USP31: variants seen among roughly 807,000 people sequenced by gnomAD.
USP31 encodes the protein ubiquitin carboxyl-terminal hydrolase 31.
Under a neutral mutation model 119.4 loss-of-function variants are expected in USP31, and 44 were observed. The observed-to-expected ratio is 0.37, with a 90% CI of 0.29 to 0.47. The LOEUF is 0.47. USP31 is among the 20% of genes least tolerant of loss of function. The probability of loss-of-function intolerance (pLI) is 0.99; values close to 1 mark genes in which losing one functional copy is unlikely to be tolerated. For synonymous variants in USP31, 749 were observed against 705.6 expected (o/e 1.06, Z -0.97); for missense variants, 1,643 against 1,730.2 (o/e 0.95, Z 0.89).
At chr16:23,089,319 CA>C (rs752915603) in intron 7 of USP31, among the ~76,000 whole-genome samples, 1 of 152,138 alleles carries the variant, frequency 6.6e-6, no homozygotes, top group Non-Finnish European at 1.5e-5. Context: ...CCCACCATCA[CA>C]CTCTATCATT....
intron 9 of USP31, among the ~76,000 whole-genome samples, chr16:23,086,705 T>C (rs1285106538): frequency 2.0e-5 from 3 of 152,190 alleles, no homozygotes; most frequent in Admixed American, 6.5e-5. Context: ...ATTCAAACTG[T>C]GAAGAACTTC....
Position 23,148,906 on chromosome 16 carries a change from T to C in USP31, c.365A>G (p.Glu122Gly). The C allele has an allele frequency of 7.1e-7, 1 of 1,399,668 alleles. No homozygotes were observed. The allele number at this position is 1,399,668 out of a possible 1,614,324, so 86.7% of individuals were successfully genotyped here. A position where few individuals can be genotyped will look rare whatever the true frequency, so the allele number is the denominator to read the frequency against. The change falls in exon 1 of 16, where the codon GAG becomes GGG. Residue 122 changes from glutamate (E) to glycine (G), a missense_variant. Transcript: ENST00000219689. Reference sequence around the variant, plus strand: ...GAGCCCCGCCACGCCGGGCACCGGCTCGGCGGCGCAAGCGGGCGGCGCGGG... The same window carrying C: ...GAGCCCCGCCACGCCGGGCACCGGCCCGGCGGCGCAAGCGGGCGGCGCGGG... ...ASPAPPACAA[E>G]PVPGVAGLRN...
At position 23,068,251 on chromosome 16, in the gene USP31, G is replaced by A; in HGVS notation, c.3854C>T (p.Ala1285Val). ...HQPPASQQPN[A>V]NTTGKEQLVT... is the part of the protein sequence containing the mutation. ...AAGCTGCTCTTTTCCCGTTGTATTT[G>A]CATTTGGCTGCTGGGAAGCTGGAGG... Residue 1285 changes from alanine (A) to valine (V), a missense_variant, in exon 16 of 16, where the codon GCA (alanine) becomes GTA (valine). Ala to Val is a moderately conservative substitution (Grantham distance 64, BLOSUM62 0). Around this residue, in one of 5 missense-constraint regions of USP31, gnomAD observed 699 missense variants for 650.9 expected, o/e 1.07. Transcript: ENST00000219689. The A allele has an allele frequency of 6.2e-7, 1 of 1,614,164 alleles. No homozygotes were observed. The highest frequency in any genetic ancestry group is 8.5e-7 in the Non-Finnish European group (1 of 1,179,988).
intron 1 of USP31, among the ~76,000 whole-genome samples, chr16:23,130,612 C>T (rs1489693701): frequency 6.6e-6 from 1 of 152,102 alleles, no homozygotes; most frequent in Non-Finnish European, 1.5e-5. Context: ...TCCCCTCTCC[C>T]TGCTGAAAGA....
intron 1 of USP31, among the ~76,000 whole-genome samples, chr16:23,146,847 G>A (rs2141908470): frequency 6.6e-6 from 1 of 151,948 alleles, no homozygotes; most frequent in Middle Eastern, 3.4e-3. Context: ...AGCACCAATG[G>A]GAAACCAGTA....
chr16:23,121,281 G>A (rs1465083642), intron 1 of USP31, among the ~76,000 whole-genome samples: 1 of 152,128 alleles, frequency 6.6e-6, no homozygotes, highest in East Asian at 1.9e-4. Flanking sequence ...ATGGATACTT[G>A]ACAGGCAAGC....
intron 12 of USP31, among the ~76,000 whole-genome samples, chr16:23,081,890 G>T (rs1432262374): frequency 6.6e-6 from 1 of 152,200 alleles, no homozygotes; most frequent in Admixed American, 6.5e-5. Context: ...TCATCTTTCA[G>T]ATACAAACTA....
intron 13 of USP31, among the ~76,000 whole-genome samples, chr16:23,078,292 G>C (rs1040952804): frequency 4.3e-5 from 6 of 139,536 alleles, no homozygotes; most frequent in Non-Finnish European, 6.1e-5. Flanking sequence ...AGCCTGGTGA[G>C]AGAGCGAGAC....
intron 1 of USP31, among the ~76,000 whole-genome samples, chr16:23,121,082 A>G (rs921733823): frequency 1.3e-5 from 2 of 152,224 alleles, no homozygotes; most frequent in Non-Finnish European, 2.9e-5. Flanking sequence ...CTATTCTGCT[A>G]TTGCATTTTT....
chr16:23,140,606 C>CCATT (rs1294428100), intron 1 of USP31, among the ~76,000 whole-genome samples: 5 of 152,106 alleles, frequency 3.3e-5, no homozygotes, highest in Non-Finnish European at 7.4e-5. Flanking sequence ...TCTTCAAATC[C>CCATT]CATTCTAAGT....
At chr16:23,142,036 T>G (rs1903368922) in intron 1 of USP31, among the ~76,000 whole-genome samples, 1 of 152,260 alleles carries the variant, frequency 6.6e-6, no homozygotes, top group African/African-American at 2.4e-5. Context: ...TCTGACGGCA[T>G]GAACCTAGTC....
chr16:23,111,614 G>T (rs143701869), intron 1 of USP31, among the ~76,000 whole-genome samples: 2 of 152,188 alleles, frequency 1.3e-5, no homozygotes, highest in African/African-American at 2.4e-5. Flanking sequence ...TCAACAGATG[G>T]GGGGTGGTGG....
At chr16:23,126,833 T>C (rs940769597) in intron 1 of USP31, among the ~76,000 whole-genome samples, 1 of 152,122 alleles carries the variant, frequency 6.6e-6, no homozygotes, top group Non-Finnish European at 1.5e-5. Flanking sequence ...GAGAAAATTA[T>C]CCATAGTGTG....
At chr16:23,104,903 A>T (rs1486039716) in intron 5 of USP31, among the ~76,000 whole-genome samples, 1 of 152,230 alleles carries the variant, frequency 6.6e-6, no homozygotes, top group Non-Finnish European at 1.5e-5. Flanking sequence ...TACCCCAAAA[A>T]GGGATGCGGC....
At chr16:23,131,195 T>G (rs1299332072) in intron 1 of USP31, among the ~76,000 whole-genome samples, 1 of 152,186 alleles carries the variant, frequency 6.6e-6, no homozygotes, top group African/African-American at 2.4e-5. Context: ...TTCTAGCTAT[T>G]CGGGAGGATG....
chr16:23,080,836 A>G (rs1470218255), intron 12 of USP31, among the ~76,000 whole-genome samples: 3 of 152,210 alleles, frequency 2.0e-5, no homozygotes, highest in Non-Finnish European at 4.4e-5. Context: ...TGTGAAGGGA[A>G]GAAAAATGTT....
chr16:23,080,265 C>T (rs748605907), intron 12 of USP31, 94 bp from the exon 13 acceptor site: 88 of 1,077,370 alleles, frequency 8.2e-5, no homozygotes, highest in Middle Eastern at 4.2e-4. Context: ...TCAGACAAAG[C>T]GGTGTGAGTT....
rs767161567 is a variant in USP31 at position 23,148,772 on chromosome 16, C to T, written c.499G>A (p.Glu167Lys). Residue 167 changes from glutamate (E) to lysine (K), a missense_variant, in exon 1 of 16, where the codon GAG becomes AAG. This residue lies in a region of USP31 where 302 missense variants were observed against 262.6 expected (regional missense o/e 1.15). Transcript: ENST00000219689. Reference protein sequence around the residue: ...ALGQYRAGRPEPSPDPEQPAG... With the variant: ...ALGQYRAGRPKPSPDPEQPAG... ...GGCTGCTCCGGGTCAGGCGAGGGCT[C>T]GGGCCGCCCCGCCCGGTACTGGCCC... is the stretch of plus-strand genomic sequence containing the variant. The T allele has an allele frequency of 4.6e-6, 7 of 1,528,714 alleles. No homozygotes were observed. The highest frequency in any genetic ancestry group is 6.1e-6 in the Non-Finnish European group (7 of 1,143,452). The allele number at this position is 1,528,714 out of a possible 1,614,324, so 94.7% of individuals were successfully genotyped here. A position where few individuals can be genotyped will look rare whatever the true frequency, so the allele number is the denominator to read the frequency against.
At position 23,148,931 on chromosome 16, in the gene USP31, G is replaced by T. The variant is rs1903620160; in HGVS notation, c.340C>A (p.Pro114Thr). 5.1e-5 allele frequency: 62 copies of T among 1,208,114 alleles called. No homozygotes were observed. The highest frequency in any genetic ancestry group is 6.3e-5 in the Non-Finnish European group (61 of 968,766). The allele number at this position is 1,208,114 out of a possible 1,614,324, so 74.8% of individuals were successfully genotyped here. A position where few individuals can be genotyped will look rare whatever the true frequency, so the allele number is the denominator to read the frequency against. The part of the protein sequence containing the change: ...PPPCPPPPAS[P>T]APPACAAEPV... Reference sequence around the variant, plus strand: ...TCGGCGGCGCAAGCGGGCGGCGCGGGAGAGGCGGGCGGCGGCGGGCACGGC... The same window carrying T: ...TCGGCGGCGCAAGCGGGCGGCGCGGTAGAGGCGGGCGGCGGCGGGCACGGC... The change falls in exon 1 of 16, where the codon CCC becomes ACC. Residue 114 changes from proline (P) to threonine (T), a missense_variant. Physicochemically the swap from Pro to Thr is conservative, Grantham distance 38. Transcript: ENST00000219689.
Sources: gnomAD v4.1 joint callset for allele counts (sites outside exome capture counted in the v4.1 genomes callset) on GRCh38, gnomAD v4.1.1 for gene constraint, gnomAD v4.1.1 regional missense constraint, MANE v1.5 for transcripts, NCBI Gene and HGNC (gene_info 2026-07-23, HGNC 2026-07-21) for gene names.